The following TRMT9B variants were observed in gnomAD, a reference collection of about 807,000 sequenced individuals.
TRMT9B encodes the protein probable tRNA methyltransferase 9B.
Under a neutral mutation model 11.5 loss-of-function variants are expected in TRMT9B, and 16 were observed. The ratio of observed to expected loss-of-function variants is 1.39; its 90% confidence interval spans 0.94 to 2.11. The LOEUF (loss-of-function observed/expected upper bound fraction) is 2.11, where lower values mean the gene tolerates loss of function less well. Ranked by LOEUF, TRMT9B falls within the 30% of genes most tolerant of loss-of-function variation. The probability of loss-of-function intolerance (pLI) is 0.00; values close to 1 mark genes in which losing one functional copy is unlikely to be tolerated. For synonymous variants in TRMT9B, 274 were observed against 192.4 expected, an observed-to-expected ratio of 1.42 and a Z score of -3.51; for missense variants, 941 against 553.8, an observed-to-expected ratio of 1.70 and a Z score of -7.02.
At position 12,979,442 on chromosome 8, in the gene TRMT9B, C is replaced by T. The variant is rs530786109; in HGVS notation, c.-199-11392C>T. Reference sequence around the variant, plus strand: ...AGTGAGCCAATATCATGCCACTGCACTCCAGGCTGGGCGACAGGATAAGAC... The same window carrying T: ...AGTGAGCCAATATCATGCCACTGCATTCCAGGCTGGGCGACAGGATAAGAC... On this transcript the variant is annotated intron_variant, in intron 1 of 4. Coordinates refer to ENST00000524591, the MANE Select transcript of TRMT9B (RefSeq NM_020844.3). Among the ~76,000 whole-genome samples, 20 of 152,058 alleles carry T rather than the reference C, an allele frequency of 1.3e-4. No homozygotes were observed. The South Asian group carries it at 4.0e-3, about 30-fold the overall frequency.
chr8:12,985,478 T>C (rs971689969), intron 1 of TRMT9B, among the ~76,000 whole-genome samples: 1 of 152,192 alleles, frequency 6.6e-6, no homozygotes, highest in Non-Finnish European at 1.5e-5. Flanking sequence ...CTAGAAAAGC[T>C]AATATTGCTT....
intron 4 of TRMT9B, among the ~76,000 whole-genome samples, chr8:13,020,649 C>T (rs1813653556): frequency 6.6e-6 from 1 of 152,052 alleles, no homozygotes; most frequent in Admixed American, 6.5e-5. Flanking sequence ...TTTAGTAATT[C>T]ACATTGACCA....
Position 13,021,083 on chromosome 8 carries a change from G to T in TRMT9B, c.404G>T (p.Gly135Val), listed in dbSNP as rs980102947. The change falls in exon 5 of 5, where the codon GGC becomes GTC. Residue 135 changes from glycine to valine, a missense_variant. By Grantham distance (109) the Gly-to-Val change is moderately radical (BLOSUM62 -3). Transcript: ENST00000524591. The part of the protein sequence containing the change: ...KEMARVLVPG[G>V]QLMIYVWAME... ...ATGGCCAGGGTCTTAGTTCCCGGAG[G>T]CCAACTGATGATTTACGTTTGGGCA... is the stretch of plus-strand genomic sequence containing the variant. 6.2e-6 allele frequency: 10 copies of T among 1,607,006 alleles called. No homozygotes were observed. Among genetic ancestry groups the T allele is most frequent in the Non-Finnish European group, 8.5e-6 (10 of 1,176,120 alleles).
intron 2 of TRMT9B, among the ~76,000 whole-genome samples, chr8:13,000,938 C>T (rs191312410): frequency 6.6e-6 from 1 of 152,216 alleles, no homozygotes; most frequent in South Asian, 2.1e-4. Context: ...AAGGCTGGTA[C>T]TGTAAAATGA....
chr8:12,971,310 T>C (rs1486246202), intron 1 of TRMT9B, among the ~76,000 whole-genome samples: 4 of 152,166 alleles, frequency 2.6e-5, no homozygotes, highest in South Asian at 2.1e-4. Context: ...GGAAAGAGCA[T>C]GTACCCAGAG....
At chr8:13,009,849 C>G (rs915994676) in intron 3 of TRMT9B, among the ~76,000 whole-genome samples, 4 of 152,066 alleles carry the variant, frequency 2.6e-5, no homozygotes, top group African/African-American at 9.7e-5. Flanking sequence ...TACAGATAGG[C>G]CAGGCGCGGT....
intron 1 of TRMT9B, among the ~76,000 whole-genome samples, chr8:12,962,453 A>C (rs1328064067): frequency 6.6e-6 from 1 of 151,862 alleles, no homozygotes; most frequent in Admixed American, 6.6e-5. Flanking sequence ...CGTTCTCCTT[A>C]AGATGATGTG....
At chr8:12,950,207 C>T (rs940333593) in intron 1 of TRMT9B, among the ~76,000 whole-genome samples, 3 of 152,164 alleles carry the variant, frequency 2.0e-5, no homozygotes, top group African/African-American at 7.2e-5. Context: ...TCCAGGATGC[C>T]TTCCCTGACA....
rs1446443825 is a variant in TRMT9B at position 12,991,037 on chromosome 8, T to C, written c.-2+6T>C. 11 of 1,217,798 alleles carry C rather than the reference T, an allele frequency of 9.0e-6. No homozygotes were observed. Among genetic ancestry groups the C allele is most frequent in the East Asian group, 5.8e-5 (1 of 17,316 alleles). 75.4% of individuals were successfully genotyped at this position (1,217,798 alleles called of 1,614,324 possible). On this transcript the variant is annotated splice_donor_region_variant and intron_variant, in intron 2 of 4. Coordinates refer to ENST00000524591, the MANE Select transcript of TRMT9B (RefSeq NM_020844.3). ...GTAATCACAGGATGACTCAGGTTAG[T>C]AGCTTTCAGCGCTTCTGCAACTCAC...
intron 2 of TRMT9B, among the ~76,000 whole-genome samples, chr8:12,997,002 T>TTTATTTTA (rs1808478482): frequency 1.8e-5 from 2 of 113,234 alleles, no homozygotes; most frequent in South Asian, 2.9e-4. Context: ...TTTATTTTAT[T>TTTATTTTA]TTATTTTTTA....
intron 1 of TRMT9B, among the ~76,000 whole-genome samples, chr8:12,971,176 C>T (rs1355073805): frequency 2.0e-5 from 3 of 152,086 alleles, no homozygotes; most frequent in African/African-American, 2.4e-5. Flanking sequence ...TGTTAACTGT[C>T]GTTTCCCTGC....
chr8:13,001,346 G>C (rs990756509), intron 2 of TRMT9B, among the ~76,000 whole-genome samples: 3 of 152,138 alleles, frequency 2.0e-5, no homozygotes, highest in Non-Finnish European at 4.4e-5. Context: ...GGAAAGAGGA[G>C]GCACAAGGCT....
chr8:12,988,441 A>G (rs1212991238), intron 1 of TRMT9B, among the ~76,000 whole-genome samples: 1 of 152,240 alleles, frequency 6.6e-6, no homozygotes, highest in Non-Finnish European at 1.5e-5. Context: ...CAGGCTACTA[A>G]TAAAGACATA....
intron 4 of TRMT9B, among the ~76,000 whole-genome samples, chr8:13,016,062 C>T (rs901421595): frequency 1.4e-5 from 2 of 147,644 alleles, no homozygotes; most frequent in African/African-American, 5.0e-5. Context: ...CCTGGGCAAC[C>T]TAAAGAGAAC....
In TRMT9B at chr8:13,021,032, A is replaced by T. The variant is rs761393815; in HGVS notation, c.353A>T (p.Gln118Leu). The change falls in exon 5 of 5, where the codon CAA (glutamine) becomes CTA (leucine). Residue 118 changes from glutamine (Q) to leucine (L), a missense_variant. Coordinates refer to ENST00000524591, the MANE Select transcript of TRMT9B (RefSeq NM_020844.3). ...GTCATACATCATTTTTCTACAAAAC[A>T]AAGAAGAATCAGAGCAATAAAAGAA... ...IGVIHHFSTK[Q>L]RRIRAIKEMA... 7 of 1,561,792 alleles carry T rather than the reference A, an allele frequency of 4.5e-6. No homozygotes were observed. Among genetic ancestry groups the T allele is most frequent in the Non-Finnish European group, 6.1e-6 (7 of 1,155,434 alleles).
chr8:12,985,069 G>C (rs942586607), intron 1 of TRMT9B, among the ~76,000 whole-genome samples: 1 of 151,832 alleles, frequency 6.6e-6, no homozygotes, highest in Admixed American at 6.6e-5. Flanking sequence ...CCTACTCTTA[G>C]TGAACAGTTC....
rs767392195 is a variant in TRMT9B at position 13,029,140 on chromosome 8, A to C, written c.*7096A>C. 17 of 167,010 alleles carry C rather than the reference A, an allele frequency of 1.0e-4. No homozygotes were observed. Among genetic ancestry groups the C allele is most frequent in the Non-Finnish European group, 2.3e-4 (16 of 68,124 alleles). 10.3% of individuals were successfully genotyped at this position (167,010 alleles called of 1,614,324 possible). A position where few individuals can be genotyped will look rare whatever the true frequency, so the allele number is the denominator to read the frequency against. ...TCTTTTGTGCACGCGTGAATACATC[A>C]AATTAGCAATTACCATAGAAATGTA... On this transcript the variant is annotated 3_prime_UTR_variant, in exon 5 of 5. Transcript: ENST00000524591.
intron 1 of TRMT9B, among the ~76,000 whole-genome samples, chr8:12,972,970 T>G (rs1433223138): frequency 6.6e-6 from 1 of 152,278 alleles, no homozygotes; most frequent in East Asian, 1.9e-4. Context: ...TCCAGGCCAT[T>G]TAAACACTAA....
Position 13,021,908 on chromosome 8 carries a change from GC to G in TRMT9B, c.1230del (p.Tyr411ThrfsTer24), listed in dbSNP as rs1563462463. 6.2e-7 allele frequency: 1 copy of G among 1,613,720 alleles called. No individual in the cohort carries two copies. The highest frequency in any genetic ancestry group is 1.7e-5 in the Admixed American group (1 of 60,006). ...GTTTTGGACTCCACAGCCTTTATGCGCTACTACCATGTGTTTCGAGAAGGGG... is the reference window on the plus strand; with the variant it reads ...GTTTTGGACTCCACAGCCTTTATGCGTACTACCATGTGTTTCGAGAAGGGG... ...TDVLDSTAFM[R>X]YYHVFREGEL... On this transcript the variant is annotated frameshift_variant, in exon 5 of 5. Coordinates refer to ENST00000524591, the MANE Select transcript of TRMT9B (RefSeq NM_020844.3). LOFTEE classifies it high-confidence loss of function.
Sources: gnomAD v4.1 joint callset for allele counts (sites outside exome capture counted in the v4.1 genomes callset) on GRCh38, gnomAD v4.1.1 for gene constraint, MANE v1.5 for transcripts, NCBI Gene and HGNC (gene_info 2026-07-23, HGNC 2026-07-21) for gene names.